SLC26A4: variants seen among roughly 807,000 people sequenced by gnomAD.
The protein encoded by SLC26A4 is pendrin.
Under a neutral mutation model 90.4 loss-of-function variants are expected in SLC26A4, and 93 were observed. The ratio of observed to expected loss-of-function variants is 1.03; its 90% confidence interval spans 0.87 to 1.22. The LOEUF (loss-of-function observed/expected upper bound fraction) is 1.22, where lower values mean the gene tolerates loss of function less well. Among genes scored for constraint, SLC26A4 ranks in the 50% most tolerant of loss-of-function variants. The pLI is 0.00. For missense variants in SLC26A4, 1,127 were observed against 946.2 expected, an observed-to-expected ratio of 1.19 and a Z score of -2.51; for synonymous variants, 393 against 354.6, an observed-to-expected ratio of 1.11 and a Z score of -1.22.
intron 3 of SLC26A4, among the ~76,000 whole-genome samples, chr7:107,668,698 C>G (rs1234674631): frequency 1.3e-5 from 2 of 152,148 alleles, no homozygotes; most frequent in East Asian, 1.9e-4. Context: ...TCTGCTTTCT[C>G]CTTTTGACTT....
intron 15 of SLC26A4, 30 bp from the exon 16 acceptor site, chr7:107,701,071 T>C (rs1791872057): frequency 1.5e-6 from 2 of 1,371,960 alleles, no homozygotes; most frequent in African/African-American, 2.8e-5. Flanking sequence ...GTGCCAGGCA[T>C]TTTAAGTAAC....
chr7:107,695,705 T>C (rs1791717841), intron 12 of SLC26A4, among the ~76,000 whole-genome samples: 2 of 151,948 alleles, frequency 1.3e-5, no homozygotes, highest in African/African-American at 4.8e-5. Flanking sequence ...CCCAGCTACT[T>C]GGGAGGCTGA....
In SLC26A4 at chr7:107,661,275, C is replaced by T. The variant is rs1790539252; in HGVS notation, c.-3-364C>T. Reference sequence around the variant, plus strand: ...CAAGCGCCTTTGGCCCCTGCCCCAGCCCCTCGGTTTGGGGGAGATTTCAGA... The same window carrying T: ...CAAGCGCCTTTGGCCCCTGCCCCAGTCCCTCGGTTTGGGGGAGATTTCAGA... On this transcript the variant is annotated intron_variant, in intron 1 of 20. Coordinates refer to ENST00000644269, the MANE Select transcript of SLC26A4 (RefSeq NM_000441.2). The surrounding 1 kb of genome is among the most constrained non-coding windows in gnomAD (Gnocchi z 5.1). The T allele has an allele frequency of 2.9e-6, 1 of 350,710 alleles. No individual in the cohort carries two copies. The highest frequency in any genetic ancestry group is 5.3e-6 in the Non-Finnish European group (1 of 188,680). The allele number at this position is 350,710 out of a possible 1,614,324, so 21.7% of individuals were successfully genotyped here. A position where few individuals can be genotyped will look rare whatever the true frequency, so the allele number is the denominator to read the frequency against.
intron 3 of SLC26A4, among the ~76,000 whole-genome samples, chr7:107,669,292 G>C (rs969832151): frequency 6.6e-6 from 1 of 152,098 alleles, no homozygotes; most frequent in African/African-American, 2.4e-5. Flanking sequence ...TTTTAAAACT[G>C]TTGTACCAAG....
chr7:107,666,663 C>T (rs1205437311), intron 3 of SLC26A4, among the ~76,000 whole-genome samples: 1 of 152,092 alleles, frequency 6.6e-6, no homozygotes, highest in Admixed American at 6.6e-5. Context: ...GGTGCAAAGG[C>T]CCTGAGGCCA....
chr7:107,697,840 G>A (rs1437885990), intron 13 of SLC26A4, among the ~76,000 whole-genome samples: 1 of 152,182 alleles, frequency 6.6e-6, no homozygotes, highest in African/African-American at 2.4e-5. Flanking sequence ...TCAGAAGAGA[G>A]GCACAGTTCT....
Position 107,670,026 on chromosome 7 carries a change from T to C in SLC26A4, c.305-2112T>C, listed in dbSNP as rs1022567008. ...TTTATTTCTTAAGCTAGATGATGGA[T>C]ACATGAAAGTTTATTATATTATTCA... On this transcript the variant is annotated intron_variant, in intron 3 of 20. Coordinates refer to ENST00000644269, the MANE Select transcript of SLC26A4 (RefSeq NM_000441.2). 5.3e-5 allele frequency among the ~76,000 whole-genome samples: 8 copies of C among 152,290 alleles called. No homozygotes were observed. The East Asian group carries it at 9.6e-4, about 18-fold the overall frequency.
intron 20 of SLC26A4, among the ~76,000 whole-genome samples, chr7:107,713,255 C>T (rs552560382): frequency 8.5e-5 from 13 of 152,336 alleles, no homozygotes; most frequent in African/African-American, 2.6e-4. Context: ...CTAGCCCATG[C>T]AGAAATCCTT....
chr7:107,661,893 G>C lies in SLC26A4; in HGVS notation c.164+88G>C. On this transcript the variant is annotated intron_variant, in intron 2 of 20. Coordinates refer to ENST00000644269, the MANE Select transcript of SLC26A4 (RefSeq NM_000441.2). The surrounding 1 kb of genome is among the most constrained non-coding windows in gnomAD (Gnocchi z 5.1). ...AAGGGCGTCCCCAGCGGGCGAGAGT[G>C]GGGTGCGGGCGGCGGAGCCCCTGGG... 1.4e-6 allele frequency: 2 copies of C among 1,421,274 alleles called. No individual in the cohort carries two copies. The highest frequency in any genetic ancestry group is 2.5e-4 in the Middle Eastern group (1 of 3,986). 88.0% of individuals were successfully genotyped at this position (1,421,274 alleles called of 1,614,324 possible). A position where few individuals can be genotyped will look rare whatever the true frequency, so the allele number is the denominator to read the frequency against.
intron 3 of SLC26A4, among the ~76,000 whole-genome samples, chr7:107,671,241 T>C (rs1167430055): frequency 6.6e-6 from 1 of 152,192 alleles, no homozygotes; most frequent in East Asian, 1.9e-4. Flanking sequence ...TAGCTTGCTG[T>C]AACCTCAAAC....
In SLC26A4 at chr7:107,674,283, G is replaced by A. The variant is rs114473792; in HGVS notation, c.535G>A (p.Ala179Thr). 1.8e-4 allele frequency: 284 copies of A among 1,613,900 alleles called. No homozygotes were observed. The African/African-American group carries it at 3.5e-3, about 20-fold the overall frequency. Residue 179 changes from alanine to threonine, a missense_variant, in exon 5 of 21, where the codon GCA becomes ACA. Ala to Thr is a moderately conservative substitution (Grantham distance 58). Transcript: ENST00000644269. ...TVLNTTMIDTAARDTARVLIA... is the reference protein window; with the variant it reads ...TVLNTTMIDTTARDTARVLIA... ...ATTAAATACTACTATGATAGACACTGCAGCTAGAGATACAGCTAGAGTCCT... is the reference window on the plus strand; with the variant it reads ...ATTAAATACTACTATGATAGACACTACAGCTAGAGATACAGCTAGAGTCCT...
chr7:107,662,324 C>G (rs1291441430), intron 2 of SLC26A4, among the ~76,000 whole-genome samples: 2 of 152,048 alleles, frequency 1.3e-5, no homozygotes, highest in Admixed American at 6.5e-5. Flanking sequence ...GAAAGCCACC[C>G]TCAGTCTCTA....
At chr7:107,662,928 T>C (rs1214115900) in intron 2 of SLC26A4, among the ~76,000 whole-genome samples, 1 of 152,208 alleles carries the variant, frequency 6.6e-6, no homozygotes, top group African/African-American at 2.4e-5. Flanking sequence ...TTAAAGAAAA[T>C]AATAATAATA....
intron 10 of SLC26A4, chr7:107,691,738 A>T (rs1222439509): frequency 2.1e-6 from 2 of 936,424 alleles, no homozygotes; most frequent in African/African-American, 3.5e-5. Context: ...GCTGCTTTTC[A>T]ACAAAAAATT....
At chr7:107,698,713 A>G (rs906217003) in intron 14 of SLC26A4, among the ~76,000 whole-genome samples, 5 of 152,254 alleles carry the variant, frequency 3.3e-5, no homozygotes, top group African/African-American at 1.2e-4. Context: ...TATCTGGTAT[A>G]TAATTCTTAT....
rs532270754 is a variant in SLC26A4 at position 107,699,976 on chromosome 7, G to A, written c.1615-107G>A. On this transcript the variant is annotated intron_variant, in intron 14 of 20. Coordinates refer to ENST00000644269, the MANE Select transcript of SLC26A4 (RefSeq NM_000441.2). Reference sequence around the variant, plus strand: ...AAGAAAAGTTGAGTGCTGCTACCCAGCTCCTCTGAGCAACTGTGACTTGAC... The same window carrying A: ...AAGAAAAGTTGAGTGCTGCTACCCAACTCCTCTGAGCAACTGTGACTTGAC... The A allele has an allele frequency of 6.7e-6, 5 of 750,010 alleles. No individual in the cohort carries two copies. In the African/African-American group the frequency reaches 6.9e-5, roughly 10 times the overall value. 46.5% of individuals were successfully genotyped at this position (750,010 alleles called of 1,614,324 possible). A position where few individuals can be genotyped will look rare whatever the true frequency, so the allele number is the denominator to read the frequency against.
chr7:107,662,208 C>CTAAG, intron 2 of SLC26A4: 1 of 207,704 alleles, frequency 4.8e-6, no homozygotes, highest in Non-Finnish European at 9.7e-6. Context: ...AACACTCAAG[C>CTAAG]TAAGTAGGCG....
At position 107,674,037 on chromosome 7, in the gene SLC26A4, C is replaced by A. The variant is rs1790944574; in HGVS notation, c.416-127C>A. The A allele has an allele frequency of 2.2e-5, 22 of 1,013,234 alleles. No homozygotes were observed. The South Asian group carries it at 2.8e-4, about 13-fold the overall frequency. 62.8% of individuals were successfully genotyped at this position (1,013,234 alleles called of 1,614,324 possible). On this transcript the variant is annotated intron_variant, in intron 4 of 20. Coordinates refer to ENST00000644269, the MANE Select transcript of SLC26A4 (RefSeq NM_000441.2). ...TGAGCCACTGGGTCCGGCTCAGCTT[C>A]TTTCGTGAACAAACAATATTTTCCT...
At chr7:107,700,773 C>G (rs907475758) in intron 15 of SLC26A4, among the ~76,000 whole-genome samples, 1 of 152,164 alleles carries the variant, frequency 6.6e-6, no homozygotes, top group Admixed American at 6.5e-5. Flanking sequence ...ACAGATTTTG[C>G]AATAACAAAA....
Sources: allele counts gnomAD v4.1 joint callset (sites outside exome capture counted in the v4.1 genomes callset), GRCh38; gene constraint gnomAD v4.1.1; non-coding constraint Gnocchi (gnomAD v3.1); transcripts MANE v1.5; gene names NCBI Gene and HGNC (gene_info 2026-07-23, HGNC 2026-07-21).